Variants in EML6 observed in about 807,000 individuals in gnomAD.
EML6 encodes EMAP like 6.
In EML6, 154 loss-of-function variants were observed where a neutral mutation model predicts 240.1. The ratio of observed to expected loss-of-function variants is 0.64; its 90% CI spans 0.56 to 0.73. The LOEUF (loss-of-function observed/expected upper bound fraction) is 0.73, where lower values mean the gene tolerates loss of function less well. Ranked by LOEUF, EML6 falls within the 30% of genes least tolerant of loss-of-function variation. The probability of loss-of-function intolerance (pLI) is 0.00; values close to 1 mark genes in which losing one functional copy is unlikely to be tolerated. For synonymous variants in EML6, 1,148 were observed against 899.0 expected, an observed-to-expected ratio of 1.28 and a Z score of -4.95; for missense variants, 2,964 against 2,474.6, an observed-to-expected ratio of 1.20 and a Z score of -4.20.
chr2:54,813,269 G>A lies in EML6; in HGVS notation c.235G>A (p.Gly79Ser). ...LHPDKTLVAT[G>S]QVGKEPYICI... ...CCCAGACAAAACTCTCGTTGCAACT[G>A]GCCAAGTCGGGAAGGAGCCATATAT... The change falls in exon 3 of 42, where the codon GGC becomes AGC. Residue 79 changes from glycine to serine, a missense_variant. By Grantham distance (56) the Gly-to-Ser change is moderately conservative. Coordinates refer to ENST00000356458, the MANE Select transcript of EML6 (RefSeq NM_001039753.4). The A allele has an allele frequency of 6.4e-7, 1 of 1,550,738 alleles. No individual in the cohort carries two copies. Among genetic ancestry groups the A allele is most frequent in the Non-Finnish European group, 8.7e-7 (1 of 1,146,474 alleles).
chr2:54,862,783 A>C (rs963107344), intron 12 of EML6, among the ~76,000 whole-genome samples: 1 of 152,264 alleles, frequency 6.6e-6, no homozygotes, highest in African/African-American at 2.4e-5. Context: ...ATCATCACAC[A>C]TAAGGAAACC....
chr2:54,732,609 G>A (rs1228353347), intron 2 of EML6, among the ~76,000 whole-genome samples: 1 of 152,142 alleles, frequency 6.6e-6, no homozygotes, highest in Non-Finnish European at 1.5e-5. Flanking sequence ...GCCAGTAGGG[G>A]ACTAACTTCT....
intron 24 of EML6, among the ~76,000 whole-genome samples, chr2:54,909,951 A>T (rs1186361373): frequency 6.6e-6 from 1 of 151,848 alleles, no homozygotes; most frequent in Non-Finnish European, 1.5e-5. Flanking sequence ...AAAAGTTCTT[A>T]TTTTGGTATT....
intron 16 of EML6, among the ~76,000 whole-genome samples, chr2:54,878,594 A>T (rs1465197059): frequency 6.6e-6 from 1 of 152,254 alleles, no homozygotes; most frequent in African/African-American, 2.4e-5. Flanking sequence ...AATTTTTGGG[A>T]AAATAACCTA....
At chr2:54,896,153 C>T (rs1672753194) in intron 21 of EML6, among the ~76,000 whole-genome samples, 1 of 152,164 alleles carries the variant, frequency 6.6e-6, no homozygotes, top group Non-Finnish European at 1.5e-5. Context: ...TCCAAGGTCC[C>T]CAAGAGCCTT....
intron 2 of EML6, among the ~76,000 whole-genome samples, chr2:54,797,119 C>T (rs574009852): frequency 2.3e-5 from 3 of 130,530 alleles, no homozygotes; most frequent in Non-Finnish European, 3.1e-5. Flanking sequence ...GAGCCGAGAT[C>T]GTGCCACTGC....
chr2:54,777,358 T>C (rs1668648362), intron 2 of EML6, among the ~76,000 whole-genome samples: 1 of 152,206 alleles, frequency 6.6e-6, no homozygotes, highest in African/African-American at 2.4e-5. Context: ...AGCGTCCTGA[T>C]GGCTTCTTGA....
intron 11 of EML6, among the ~76,000 whole-genome samples, chr2:54,854,931 A>G (rs960810217): frequency 6.6e-6 from 1 of 152,242 alleles, no homozygotes; most frequent in African/African-American, 2.4e-5. Context: ...GGAATTCAGA[A>G]TTGAGAAGAA....
intron 11 of EML6, among the ~76,000 whole-genome samples, chr2:54,855,372 T>C (rs1020277630): frequency 6.6e-6 from 1 of 151,976 alleles, no homozygotes; most frequent in Non-Finnish European, 1.5e-5. Flanking sequence ...TCATGAAAAT[T>C]TGTTCACTTT....
intron 15 of EML6, among the ~76,000 whole-genome samples, chr2:54,871,022 GAT>G (rs1209351544): frequency 1.3e-5 from 2 of 152,190 alleles, no homozygotes; most frequent in African/African-American, 4.8e-5. Context: ...CTTACTGAAA[GAT>G]AGTTATGCCA....
chr2:54,941,817 T>C (rs980693900), intron 28 of EML6, among the ~76,000 whole-genome samples: 3 of 152,234 alleles, frequency 2.0e-5, no homozygotes, highest in African/African-American at 7.2e-5. Flanking sequence ...CTCTCGAAGC[T>C]GCGTTCTTCT....
chr2:54,792,623 A>C (rs1315759174), intron 2 of EML6, among the ~76,000 whole-genome samples: 1 of 152,214 alleles, frequency 6.6e-6, no homozygotes, highest in East Asian at 1.9e-4. Flanking sequence ...GATGTTTCAA[A>C]ACTCACAGAA....
At chr2:54,947,582 G>T (rs780294013) in intron 28 of EML6, among the ~76,000 whole-genome samples, 18 of 152,014 alleles carry the variant, frequency 1.2e-4, no homozygotes, top group Non-Finnish European at 2.5e-4. Context: ...ATTATGAGTT[G>T]AACTTGATTT....
At chr2:54,818,801 C>A (rs1668194386) in intron 4 of EML6, among the ~76,000 whole-genome samples, 2 of 152,128 alleles carry the variant, frequency 1.3e-5, no homozygotes, top group Admixed American at 6.5e-5. Flanking sequence ...TTATTTGGAA[C>A]ACTGTTCTCC....
intron 2 of EML6, among the ~76,000 whole-genome samples, chr2:54,797,672 T>G (rs354948): frequency 0.89 from 135,471 of 152,022 alleles, 60,626 homozygotes; most frequent in African/African-American, 0.97. Flanking sequence ...GCTAAGGTCT[T>G]TGGGAAGTGG....
At chr2:54,835,133 C>G (rs1669073226) in intron 7 of EML6, among the ~76,000 whole-genome samples, 1 of 152,224 alleles carries the variant, frequency 6.6e-6, no homozygotes, top group Non-Finnish European at 1.5e-5. Context: ...CAAATAAAGC[C>G]TATGCTGATG....
chr2:54,787,888 C>G (rs780926293), intron 2 of EML6, among the ~76,000 whole-genome samples: 1 of 151,990 alleles, frequency 6.6e-6, no homozygotes, highest in Admixed American at 6.5e-5. Flanking sequence ...TTATTTGAAA[C>G]CCGGTTGTAC....
intron 35 of EML6, among the ~76,000 whole-genome samples, chr2:54,961,438 C>T (rs780017834): frequency 2.0e-5 from 3 of 151,518 alleles, no homozygotes; most frequent in Non-Finnish European, 4.4e-5. Context: ...CCACCCACCA[C>T]GGCCTCCCAA....
rs1023379766 is a variant in EML6 at position 54,737,113 on chromosome 2, T to G, written c.197+11855T>G. 1.8e-4 allele frequency among the ~76,000 whole-genome samples: 27 copies of G among 152,144 alleles called. 1 individual carries two copies. The highest frequency in any genetic ancestry group is 4.4e-5 in the Non-Finnish European group (3 of 68,022). The stretch of plus-strand genomic sequence containing the variant: ...TGGGACTATATATGAGGTAACAGCT[T>G]TGTGTCACTGTTAAATATTCTGAAT... On this transcript the variant is annotated intron_variant, in intron 2 of 41. Coordinates refer to ENST00000356458, the MANE Select transcript of EML6 (RefSeq NM_001039753.4).
Sources: allele counts gnomAD v4.1 joint callset (sites outside exome capture counted in the v4.1 genomes callset), GRCh38; gene constraint gnomAD v4.1.1; transcripts MANE v1.5; gene names NCBI Gene and HGNC (gene_info 2026-07-23, HGNC 2026-07-21).